The following ABCA8 variants were observed in gnomAD, a reference collection of about 807,000 sequenced individuals.
The protein encoded by ABCA8 is ATP binding cassette subfamily A member 8.
In ABCA8, 177 loss-of-function variants were observed where a neutral mutation model predicts 192.3. That is an observed-to-expected ratio of 0.92 (90% CI 0.81 to 1.04). The LOEUF is 1.04. ABCA8 is among the 50% of genes least tolerant of loss of function. ABCA8 has a pLI of 0.00. For missense variants in ABCA8, 1,915 were observed against 1,904.8 expected (o/e 1.01, Z -0.10); for synonymous variants, 642 against 690.2 (o/e 0.93, Z 1.09).
Position 68,867,857 on chromosome 17 carries a change from A to G in ABCA8, c.*228T>C, listed in dbSNP as rs946994563. ...CAGTATTATACAGAACAATGGAACC[A>G]GTATGGCCTGCAGAGATACAGAGGC... On this transcript the variant is annotated 3_prime_UTR_variant, in exon 40 of 40. Transcript: ENST00000586539. 1 of 451,840 alleles carries G rather than the reference A, an allele frequency of 2.2e-6. No homozygotes were observed. The highest frequency in any genetic ancestry group is 1.9e-5 in the African/African-American group (1 of 51,444). 28.0% of individuals were successfully genotyped at this position (451,840 alleles called of 1,614,324 possible).
intron 17 of ABCA8, among the ~76,000 whole-genome samples, chr17:68,913,394 C>T (rs2067271575): frequency 6.6e-6 from 1 of 151,170 alleles, no homozygotes; most frequent in South Asian, 2.1e-4. Flanking sequence ...AAATAATAAA[C>T]ATCAGAGCAG....
chr17:68,918,661 C>G, intron 14 of ABCA8, 115 bp from the exon 15 acceptor site: 1 of 1,094,106 alleles, frequency 9.1e-7, no homozygotes, highest in South Asian at 1.9e-5. Flanking sequence ...GGGTCAGGCG[C>G]GGTGGCTCAT....
At chr17:68,941,556 A>G (rs2068230570) in intron 3 of ABCA8, among the ~76,000 whole-genome samples, 2 of 152,174 alleles carry the variant, frequency 1.3e-5, no homozygotes, top group African/African-American at 2.4e-5. Context: ...GAAGAGAAAA[A>G]GATCTCAAAG....
Position 68,937,595 on chromosome 17 carries a change from A to G in ABCA8, c.302-480T>C, listed in dbSNP as rs372917250. Among the ~76,000 whole-genome samples the G allele has an allele frequency of 3.9e-5, 6 of 152,296 alleles. No homozygotes were observed. The South Asian group carries it at 1.0e-3, about 26-fold the overall frequency. On this transcript the variant is annotated intron_variant, in intron 4 of 39. Transcript: ENST00000586539. The stretch of plus-strand genomic sequence containing the variant: ...AAAAACATGTTAAGAAACTATGTTG[A>G]CATCACTGAAAGAATCCCTCTTTTC...
intron 38 of ABCA8, among the ~76,000 whole-genome samples, chr17:68,869,173 T>A (rs575347700): frequency 5.9e-5 from 9 of 152,132 alleles, no homozygotes; most frequent in Non-Finnish European, 1.0e-4. Context: ...GAGTTCTGAC[T>A]AGCACAGTTC....
intron 4 of ABCA8, among the ~76,000 whole-genome samples, chr17:68,940,044 C>T (rs973357516): frequency 2.6e-5 from 4 of 152,120 alleles, no homozygotes; most frequent in Non-Finnish European, 5.9e-5. Context: ...TCCTCTGACT[C>T]TAAGTCTAGT....
intron 7 of ABCA8, among the ~76,000 whole-genome samples, chr17:68,930,473 C>A (rs908330209): frequency 1.3e-5 from 2 of 151,858 alleles, no homozygotes; most frequent in Non-Finnish European, 2.9e-5. Flanking sequence ...TTTTGTTTTA[C>A]AATATTCTTT....
At chr17:68,909,487 C>T (rs2067179905) in intron 17 of ABCA8, among the ~76,000 whole-genome samples, 1 of 152,156 alleles carries the variant, frequency 6.6e-6, no homozygotes, top group South Asian at 2.1e-4. Context: ...CATGAATGGA[C>T]TCGCAAATTG....
rs4148022 is a variant in ABCA8 at position 68,907,890 on chromosome 17, G to GA, written c.2139-12dup. On this transcript the variant is annotated splice_polypyrimidine_tract_variant and intron_variant, in intron 17 of 39. Transcript: ENST00000586539. ...TCATTTAACTGCAAGCTGGCATTCAGAAAAAAAAAAAAAGACATATGTTAC... is the reference window on the plus strand; with the variant it reads ...TCATTTAACTGCAAGCTGGCATTCAGAAAAAAAAAAAAAAGACATATGTTAC... The GA allele has an allele frequency of 0.14, 153,253 of 1,089,460 alleles. 2 individuals carry two copies. The highest frequency in any genetic ancestry group is 0.16 in the Non-Finnish European group (124,395 of 788,590). The allele number at this position is 1,089,460 out of a possible 1,614,324, so 67.5% of individuals were successfully genotyped here.
chr17:68,871,359 T>C (rs984352600), intron 37 of ABCA8, among the ~76,000 whole-genome samples: 5 of 152,190 alleles, frequency 3.3e-5, no homozygotes, highest in African/African-American at 1.2e-4. Flanking sequence ...AGGTCCCACC[T>C]GGTCCTACCT....
In ABCA8 at chr17:68,918,463, C is replaced by A; in HGVS notation, c.1872G>T (p.Lys624Asn). The A allele has an allele frequency of 6.4e-7, 1 of 1,568,124 alleles. No individual in the cohort carries two copies. The highest frequency in any genetic ancestry group is 8.6e-7 in the Non-Finnish European group (1 of 1,161,586). The change falls in exon 15 of 40, where the codon AAG (lysine) becomes AAT (asparagine). Residue 624 changes from lysine to asparagine, a missense_variant. Transcript: ENST00000586539. ...CTAAAATGGCAATCCCAAAGGTTAG[C>A]TTTCTTTTCTGTCCACCACTTAAGT... is the stretch of plus-strand genomic sequence containing the variant. ...AQNLSGGQKR[K>N]LTFGIAILGD...
rs2066177365 is a variant in ABCA8 at position 68,875,487 on chromosome 17, T to C, written c.4491-87A>G. ...AACTTGATTTGCTGCTAGCATTGTC[T>C]CAAGGTCCCTATTGTTAGACCTGGG... On this transcript the variant is annotated intron_variant, in intron 36 of 39. Coordinates refer to ENST00000586539, the MANE Select transcript of ABCA8 (RefSeq NM_001288985.2). The C allele has an allele frequency of 1.9e-6, 3 of 1,597,724 alleles. No individual in the cohort carries two copies. In the African/African-American group the frequency reaches 4.0e-5, roughly 21 times the overall value.
intron 1 of ABCA8, among the ~76,000 whole-genome samples, chr17:68,951,472 T>A (rs1235613356): frequency 6.6e-6 from 1 of 152,254 alleles, no homozygotes; most frequent in Non-Finnish European, 1.5e-5. Flanking sequence ...TTTGTACGTA[T>A]CTATTCAATC....
intron 9 of ABCA8, among the ~76,000 whole-genome samples, chr17:68,928,665 A>G (rs1378267776): frequency 6.6e-6 from 1 of 152,192 alleles, no homozygotes; most frequent in East Asian, 1.9e-4. Flanking sequence ...AATTTTCCAG[A>G]TGTTTTAAAT....
intron 14 of ABCA8, among the ~76,000 whole-genome samples, chr17:68,918,759 T>C (rs1339120163): frequency 6.6e-6 from 1 of 151,686 alleles, no homozygotes; most frequent in Non-Finnish European, 1.5e-5. Context: ...TGGCGAAACC[T>C]TGTTTCTACT....
At chr17:68,877,224 G>A (rs1215449589) in intron 33 of ABCA8, 4 of 259,946 alleles carry the variant, frequency 1.5e-5, no homozygotes, top group Middle Eastern at 1.1e-3. Flanking sequence ...TCACCAAGTT[G>A]CCTAGGCTGG....
At chr17:68,943,243 G>A (rs1391561459) in intron 2 of ABCA8, among the ~76,000 whole-genome samples, 1 of 151,976 alleles carries the variant, frequency 6.6e-6, no homozygotes, top group Non-Finnish European at 1.5e-5. Context: ...TTAATCGAAT[G>A]TCATTTTAAA....
At chr17:68,945,726 G>A (rs2068380367) in intron 2 of ABCA8, among the ~76,000 whole-genome samples, 1 of 151,760 alleles carries the variant, frequency 6.6e-6, no homozygotes, top group Admixed American at 6.6e-5. Context: ...CTACTTTCTG[G>A]TTCCTTCTTT....
intron 24 of ABCA8, among the ~76,000 whole-genome samples, chr17:68,889,512 T>C (rs2066574267): frequency 6.6e-6 from 1 of 152,184 alleles, no homozygotes; most frequent in South Asian, 2.1e-4. Context: ...AAAAATATCA[T>C]TTCCTTTTAT....
Sources: gnomAD v4.1 joint callset for allele counts (sites outside exome capture counted in the v4.1 genomes callset) on GRCh38, gnomAD v4.1.1 for gene constraint, MANE v1.5 for transcripts, NCBI Gene and HGNC (gene_info 2026-07-23, HGNC 2026-07-21) for gene names.